Variants in ABCG8 observed in about 807,000 individuals in gnomAD.
The protein encoded by ABCG8 is ATP binding cassette subfamily G member 8.
Under a neutral mutation model 71.3 loss-of-function variants are expected in ABCG8, and 81 were observed. The observed-to-expected ratio is 1.14, with a 90% CI of 0.95 to 1.37. The LOEUF (loss-of-function observed/expected upper bound fraction) is 1.37, where lower values mean the gene tolerates loss of function less well. ABCG8 is among the 40% of genes most tolerant of loss of function. ABCG8 has a pLI of 0.00. For missense variants in ABCG8, 1,119 were observed against 866.2 expected (o/e 1.29, Z -3.66); for synonymous variants, 451 against 354.7 (o/e 1.27, Z -3.05).
chr2:43,842,451 G>C (rs1195077920), intron 1 of ABCG8, among the ~76,000 whole-genome samples: 1 of 152,156 alleles, frequency 6.6e-6, no homozygotes, highest in Non-Finnish European at 1.5e-5. Flanking sequence ...GCATCTGTCC[G>C]AGCTGCTTTC....
At position 43,851,693 on chromosome 2, in the gene ABCG8, G is replaced by A. The variant is rs1165226589; in HGVS notation, c.432G>A (p.Val144=). Residue 144 remains valine (V), a synonymous_variant, in exon 4 of 13, where the codon GTG becomes GTA. Transcript: ENST00000272286. ...INGQPSSPQL[V]RKCVAHVRQH... is the part of the protein sequence containing the mutation. Reference sequence around the variant, plus strand: ...GGCAGCCCAGCTCGCCTCAGCTGGTGAGGAAGTGTGTGGCCCACGTGCGCC... The same window carrying A: ...GGCAGCCCAGCTCGCCTCAGCTGGTAAGGAAGTGTGTGGCCCACGTGCGCC... The A allele has an allele frequency of 6.2e-7, 1 of 1,614,262 alleles. No individual in the cohort carries two copies. The highest frequency in any genetic ancestry group is 1.7e-5 in the Admixed American group (1 of 60,032).
At chr2:43,852,144 G>A (rs1668939682) in intron 4 of ABCG8, among the ~76,000 whole-genome samples, 1 of 152,226 alleles carries the variant, frequency 6.6e-6, no homozygotes, top group Non-Finnish European at 1.5e-5. Flanking sequence ...TCCTAACACA[G>A]GGCACCATGC....
rs1670085203 is a variant in ABCG8 at position 43,879,968 on chromosome 2, TA to T, written c.*2056del. ...CTATGTAAATTGTAAACTTTCCATTTATGCATTTTAAAATTTTGATTGATGT... is the reference window on the plus strand; with the variant it reads ...CTATGTAAATTGTAAACTTTCCATTTTGCATTTTAAAATTTTGATTGATGT... On this transcript the variant is annotated 3_prime_UTR_variant, in exon 13 of 13. Transcript: ENST00000272286. The T allele has an allele frequency of 6.6e-6, 1 of 152,112 alleles. No individual in the cohort carries two copies. Among genetic ancestry groups the T allele is most frequent in the African/African-American group, 2.4e-5 (1 of 41,422 alleles). 9.4% of individuals were successfully genotyped at this position (152,112 alleles called of 1,614,324 possible).
rs537784677 is a variant in ABCG8, at chr2:43,839,403, C to CT, written c.63+328dup. ...CACTTTTTCTTTTTTCTTTTCTTCT[C>CT]TTTTTTTTTTTTTTTTTTTTTTTTT... is the stretch of plus-strand genomic sequence containing the variant. On this transcript the variant is annotated intron_variant, in intron 1 of 12. Coordinates refer to ENST00000272286, the MANE Select transcript of ABCG8 (RefSeq NM_022437.3). Among the ~76,000 whole-genome samples, 168 of 59,290 alleles carry CT rather than the reference C, an allele frequency of 2.8e-3. 25 individuals are homozygous for CT. Among genetic ancestry groups the CT allele is most frequent in the Non-Finnish European group, 4.6e-3 (145 of 31,204 alleles). The allele number at this position is 59,290 out of a possible 152,430, so 38.9% of individuals were successfully genotyped here. A position where few individuals can be genotyped will look rare whatever the true frequency, so the allele number is the denominator to read the frequency against.
Position 43,874,407 on chromosome 2 carries a change from G to C in ABCG8, c.1412G>C (p.Cys471Ser). 6.2e-7 allele frequency: 1 copy of C among 1,606,210 alleles called. No homozygotes were observed. The highest frequency in any genetic ancestry group is 8.5e-7 in the Non-Finnish European group (1 of 1,173,006). ...TCTTTTCCTTTCCCTTACTTTTTAG[G>C]TTACTCAGAGAGGGCAATGCTTTAC... ...FNVILDVISK[C>S]YSERAMLYYE... Residue 471 changes from cysteine (C) to serine (S), a missense_variant and splice_region_variant, in exon 10 of 13, where the codon TGT becomes TCT. Transcript: ENST00000272286.
At chr2:43,850,025 C>T (rs1668864839) in intron 3 of ABCG8, among the ~76,000 whole-genome samples, 1 of 152,022 alleles carries the variant, frequency 6.6e-6, no homozygotes, top group African/African-American at 2.4e-5. Context: ...CATGGTGAAA[C>T]CCCGTCGCTG....
chr2:43,878,455 A>T lies in ABCG8; in HGVS notation c.*542A>T, dbSNP rs1023694166. ...AGCCAACGTGAACAATTAAAAATGT[A>T]TTGAGCATCTACTCTGTAGCAGGTC... On this transcript the variant is annotated 3_prime_UTR_variant, in exon 13 of 13. Transcript: ENST00000272286. 1 of 212,902 alleles carries T rather than the reference A, an allele frequency of 4.7e-6. No individual in the cohort carries two copies. The highest frequency in any genetic ancestry group is 2.3e-5 in the African/African-American group (1 of 44,264). 13.2% of individuals were successfully genotyped at this position (212,902 alleles called of 1,614,324 possible).
rs762279471 is a variant in ABCG8, at chr2:43,852,785, T to G, written c.881T>G (p.Leu294Ter). 1.2e-6 allele frequency: 2 copies of G among 1,613,996 alleles called. No homozygotes were observed. The highest frequency in any genetic ancestry group is 2.2e-5 in the South Asian group (2 of 91,074). Residue 294 changes from leucine (L) to a stop codon, truncating the protein, a stop_gained, in exon 6 of 13, where the codon TTA becomes TGA. Coordinates refer to ENST00000272286, the MANE Select transcript of ABCG8 (RefSeq NM_022437.3). LOFTEE classifies it high-confidence loss of function. Reference protein sequence around the residue: ...LLMTSGTPIYLGAAQHMVQYF... With the variant: ...LLMTSGTPIY Reference sequence around the variant, plus strand: ...ATGACGTCTGGCACCCCCATCTACTTAGGGGCGGCCCAGCACATGGTCCAG... The same window carrying G: ...ATGACGTCTGGCACCCCCATCTACTGAGGGGCGGCCCAGCACATGGTCCAG...
At chr2:43,848,506 T>C (rs1315665286) in intron 3 of ABCG8, 1 of 152,220 alleles carries the variant, frequency 6.6e-6, no homozygotes, top group Non-Finnish European at 1.5e-5. Flanking sequence ...TTGCAGTTTG[T>C]TTACATACTA....
In ABCG8 at chr2:43,875,058, T is replaced by C. The variant is rs55924588; in HGVS notation, c.1489-88T>C. On this transcript the variant is annotated intron_variant, in intron 10 of 12. Transcript: ENST00000272286. Reference sequence around the variant, plus strand: ...CATCATCACCAGGAGGGAAGGTTGCTATCTGGGGGCACTGCTACTTTTAAA... The same window carrying C: ...CATCATCACCAGGAGGGAAGGTTGCCATCTGGGGGCACTGCTACTTTTAAA... The C allele has an allele frequency of 0.054, 86,127 of 1,581,006 alleles. 2,762 individuals are homozygous for C. The highest frequency in any genetic ancestry group is 0.11 in the South Asian group (9,534 of 88,784).
chr2:43,877,624 A>T lies in ABCG8; in HGVS notation c.1820A>T (p.Gln607Leu), dbSNP rs1226809267. 1.2e-6 allele frequency: 2 copies of T among 1,614,044 alleles called. No homozygotes were observed. The highest frequency in any genetic ancestry group is 2.2e-5 in the East Asian group (1 of 44,894). Residue 607 changes from glutamine to leucine, a missense_variant, in exon 12 of 13, where the codon CAG (glutamine) becomes CTG (leucine). By Grantham distance (113) the Gln-to-Leu change is moderately radical (BLOSUM62 -2). Coordinates refer to ENST00000272286, the MANE Select transcript of ABCG8 (RefSeq NM_022437.3). ...RWCFEGLMKI[Q>L]FSRRTYKMPL... ...TGTTTTGAAGGGCTGATGAAGATTC[A>T]GTTCAGCAGAAGAACTTATAAAATG... is the stretch of plus-strand genomic sequence containing the variant.
chr2:43,882,522 C>T lies in ABCG8; in HGVS notation c.*4609C>T, dbSNP rs946786870. 6.6e-6 allele frequency: 1 copy of T among 152,166 alleles called. No homozygotes were observed. Among genetic ancestry groups the T allele is most frequent in the Admixed American group, 6.5e-5 (1 of 15,282 alleles). The allele number at this position is 152,166 out of a possible 1,614,324, so 9.4% of individuals were successfully genotyped here. A position where few individuals can be genotyped will look rare whatever the true frequency, so the allele number is the denominator to read the frequency against. On this transcript the variant is annotated 3_prime_UTR_variant, in exon 13 of 13. Coordinates refer to ENST00000272286, the MANE Select transcript of ABCG8 (RefSeq NM_022437.3). The stretch of plus-strand genomic sequence containing the variant: ...CCTTTGCTTGTTTGCAAAATATATC[C>T]AATGCTCACACCTGAGAGACAACAG...
chr2:43,851,946 C>G (rs985911152), intron 4 of ABCG8, 124 bp downstream of exon 4: 3 of 1,122,708 alleles, frequency 2.7e-6, no homozygotes, highest in Admixed American at 3.4e-5. Flanking sequence ...CTCAGCTTGC[C>G]TTCCGCCAGC....
chr2:43,879,169 G>C lies in ABCG8; in HGVS notation c.*1256G>C, dbSNP rs1049935017. The C allele has an allele frequency of 2.6e-5, 4 of 152,486 alleles. No individual in the cohort carries two copies. Among genetic ancestry groups the C allele is most frequent in the African/African-American group, 9.6e-5 (4 of 41,456 alleles). 9.4% of individuals were successfully genotyped at this position (152,486 alleles called of 1,614,324 possible). A position where few individuals can be genotyped will look rare whatever the true frequency, so the allele number is the denominator to read the frequency against. On this transcript the variant is annotated 3_prime_UTR_variant, in exon 13 of 13. Transcript: ENST00000272286. ...AGCCTTGAACCTTTCACAGTGGCCAGAGGATGGGGAGGCAGAGGCCCAGGT... is the reference window on the plus strand; with the variant it reads ...AGCCTTGAACCTTTCACAGTGGCCACAGGATGGGGAGGCAGAGGCCCAGGT...
In ABCG8 at chr2:43,882,382, C is replaced by T. The variant is rs979791388; in HGVS notation, c.*4469C>T. On this transcript the variant is annotated 3_prime_UTR_variant, in exon 13 of 13. Transcript: ENST00000272286. ...CCTCATAGTGGCTTAGCACAGCATA[C>T]AGACCACTTTCCTTTGGCCCAACCG... is the stretch of plus-strand genomic sequence containing the variant. 6.6e-6 allele frequency: 1 copy of T among 152,240 alleles called. No homozygotes were observed. Among genetic ancestry groups the T allele is most frequent in the African/African-American group, 2.4e-5 (1 of 41,466 alleles). The allele number at this position is 152,240 out of a possible 1,614,324, so 9.4% of individuals were successfully genotyped here. A position where few individuals can be genotyped will look rare whatever the true frequency, so the allele number is the denominator to read the frequency against.
chr2:43,872,099 C>A lies in ABCG8; in HGVS notation c.1088C>A (p.Ala363Glu), dbSNP rs1669795958. ...GACTTAGATGACTTTCTATGGAAAG[C>A]AGAGACGAAGGATCTTGACGAGGAC... ...VRDLDDFLWK[A>E]ETKDLDEDTC... The change falls in exon 7 of 13, where the codon GCA (alanine) becomes GAA (glutamate). Residue 363 changes from alanine (A) to glutamate (E), a missense_variant. Physicochemically the swap from Ala to Glu is moderately radical, Grantham distance 107. Transcript: ENST00000272286. 6.2e-7 allele frequency: 1 copy of A among 1,614,004 alleles called. No homozygotes were observed. Among genetic ancestry groups the A allele is most frequent in the African/African-American group, 1.3e-5 (1 of 74,920 alleles).
chr2:43,841,378 CA>C (rs929073947), intron 1 of ABCG8, among the ~76,000 whole-genome samples: 7 of 152,150 alleles, frequency 4.6e-5, no homozygotes, highest in Non-Finnish European at 8.8e-5. Context: ...GTCAGAAATT[CA>C]AGTGATGTTC....
rs774395087 is a variant in ABCG8 at position 43,851,807 on chromosome 2, C to T, written c.546C>T (p.Ala182=). 1.8e-4 allele frequency: 293 copies of T among 1,614,082 alleles called. No individual in the cohort carries two copies. The highest frequency in any genetic ancestry group is 1.7e-4 in the Non-Finnish European group (205 of 1,180,050). Residue 182 remains alanine, a synonymous_variant, in exon 4 of 13, where the codon GCC becomes GCT. Coordinates refer to ENST00000272286, the MANE Select transcript of ABCG8 (RefSeq NM_022437.3). ...GGCTGCCCAGAACCTTCTCCCAGGC[C>T]CAGCGTGACAAAAGGGTAACTAACT... ...QMRLPRTFSQ[A]QRDKRVEDVI...
intron 1 of ABCG8, 129 bp from the exon 2 acceptor site, chr2:43,844,378 C>G: frequency 1.4e-6 from 1 of 737,554 alleles, no homozygotes; most frequent in Non-Finnish European, 2.4e-6. Context: ...GCAATCCCAT[C>G]TGTTGCCAAT....
Sources: gnomAD v4.1 joint callset for allele counts (sites outside exome capture counted in the v4.1 genomes callset) on GRCh38, gnomAD v4.1.1 for gene constraint, MANE v1.5 for transcripts, NCBI Gene and HGNC (gene_info 2026-07-23, HGNC 2026-07-21) for gene names.